Variants in ICA1 observed in about 807,000 individuals in gnomAD.
The protein encoded by ICA1 is 69 kDa islet cell autoantigen.
In ICA1, 40 loss-of-function variants were observed where a neutral mutation model predicts 71.0. That is an observed-to-expected ratio of 0.56 (90% confidence interval 0.44 to 0.73). The LOEUF (loss-of-function observed/expected upper bound fraction) is 0.73. ICA1 is among the 30% of genes least tolerant of loss of function. The pLI is 0.00. For synonymous variants in ICA1, 207 were observed against 209.5 expected, an observed-to-expected ratio of 0.99 and a Z score of 0.10; for missense variants, 578 against 576.5, an observed-to-expected ratio of 1.00 and a Z score of -0.03.
At chr7:8,227,296 A>G (rs145785928) in intron 4 of ICA1, among the ~76,000 whole-genome samples, 2 of 152,310 alleles carry the variant, frequency 1.3e-5, no homozygotes, top group African/African-American at 4.8e-5. Context: ...CAGTGAGGAA[A>G]ATGGTTAGTA....
At position 8,132,657 on chromosome 7, in the gene ICA1, C is replaced by T. The variant is rs867151963; in HGVS notation, c.1061-4515G>A. Among the ~76,000 whole-genome samples, 4 of 152,180 alleles carry T rather than the reference C, an allele frequency of 2.6e-5. No homozygotes were observed. The highest frequency in any genetic ancestry group is 4.4e-5 in the Non-Finnish European group (3 of 68,012). On this transcript the variant is annotated intron_variant, in intron 12 of 13. Transcript: ENST00000402384. This position sits in a 1 kb window ranked among gnomAD's most constrained non-coding sequence, Gnocchi z 4.5. ...TGAGGCGGCTCTCTCGGATGACCTCCCATCTCCCTGACAGTACCTTCTCCA... is the reference window on the plus strand; with the variant it reads ...TGAGGCGGCTCTCTCGGATGACCTCTCATCTCCCTGACAGTACCTTCTCCA...
chr7:8,171,416 T>A (rs1448071759), intron 6 of ICA1, among the ~76,000 whole-genome samples: 2 of 151,946 alleles, frequency 1.3e-5, no homozygotes, highest in Non-Finnish European at 2.9e-5. Flanking sequence ...GTTATCAAAT[T>A]TGTTGGCTTA....
At chr7:8,195,751 G>A (rs865809227) in intron 6 of ICA1, among the ~76,000 whole-genome samples, 4 of 151,950 alleles carry the variant, frequency 2.6e-5, no homozygotes, top group East Asian at 1.9e-4. Flanking sequence ...AGGCCAAGGC[G>A]GGAGGATCAC....
chr7:8,241,438 A>G (rs920458075), intron 1 of ICA1, among the ~76,000 whole-genome samples: 1 of 152,250 alleles, frequency 6.6e-6, no homozygotes, highest in African/African-American at 2.4e-5. Context: ...GAAAGGAATG[A>G]CTGGTACCAG....
At chr7:8,180,546 C>T (rs555007052) in intron 6 of ICA1, among the ~76,000 whole-genome samples, 6 of 152,156 alleles carry the variant, frequency 3.9e-5, no homozygotes, top group South Asian at 2.1e-4. Flanking sequence ...TTAAAGTATA[C>T]GAGTTTTAGT....
At chr7:8,241,483 C>A (rs770970679) in intron 1 of ICA1, among the ~76,000 whole-genome samples, 4 of 152,174 alleles carry the variant, frequency 2.6e-5, no homozygotes, top group Non-Finnish European at 4.4e-5. Flanking sequence ...TAAAGACCAT[C>A]GATGCTAGGA....
chr7:8,152,670 A>ACTACCCCCACCACCACCACCATC (rs1328868677), intron 8 of ICA1, among the ~76,000 whole-genome samples: 1 of 32,134 alleles, frequency 3.1e-5, no homozygotes. Flanking sequence ...CACCACCACC[A>ACTACCCCCACCACCACCACCATC]TTATCTCCTT....
At chr7:8,239,653 G>A (rs112501132) in intron 1 of ICA1, among the ~76,000 whole-genome samples, 11,283 of 152,256 alleles carry the variant, frequency 0.074, 584 homozygotes, top group Non-Finnish European at 0.11. Flanking sequence ...CTGAGGGAAG[G>A]CATGACAGAC....
At chr7:8,256,533 A>G (rs987548325) in intron 1 of ICA1, among the ~76,000 whole-genome samples, 6 of 152,102 alleles carry the variant, frequency 3.9e-5, no homozygotes, top group Non-Finnish European at 5.9e-5. Flanking sequence ...TAGAATTTAC[A>G]TCAAGACTCT....
intron 3 of ICA1, among the ~76,000 whole-genome samples, chr7:8,229,329 G>A (rs1047483466): frequency 6.6e-6 from 1 of 152,202 alleles, no homozygotes; most frequent in Non-Finnish European, 1.5e-5. Flanking sequence ...CTGGGGGATA[G>A]GCAGATGGGG....
At chr7:8,244,332 T>C (rs898419452) in intron 1 of ICA1, among the ~76,000 whole-genome samples, 6 of 152,196 alleles carry the variant, frequency 3.9e-5, no homozygotes, top group African/African-American at 1.4e-4. Flanking sequence ...TAATAAATGG[T>C]GCTGGGAAAA....
intron 13 of ICA1, among the ~76,000 whole-genome samples, chr7:8,120,398 C>T (rs553320887): frequency 2.6e-4 from 39 of 152,240 alleles, no homozygotes; most frequent in African/African-American, 9.1e-4. Flanking sequence ...GGGAAGGGTG[C>T]AATGAGGGTA....
intron 13 of ICA1, among the ~76,000 whole-genome samples, chr7:8,120,596 G>A (rs1178985483): frequency 1.3e-5 from 2 of 152,204 alleles, no homozygotes; most frequent in African/African-American, 4.8e-5. Context: ...CCATCTCAGA[G>A]TAGTTCTGTC....
At chr7:8,239,347 C>T (rs1416605960) in intron 1 of ICA1, among the ~76,000 whole-genome samples, 3 of 152,206 alleles carry the variant, frequency 2.0e-5, no homozygotes, top group Admixed American at 2.0e-4. Flanking sequence ...ATAAACTGAG[C>T]ATCAAATGAG....
chr7:8,242,292 G>T (rs1364167364), intron 1 of ICA1, among the ~76,000 whole-genome samples: 1 of 152,152 alleles, frequency 6.6e-6, no homozygotes, highest in Non-Finnish European at 1.5e-5. Context: ...CATGCAAACT[G>T]AACTATCTGC....
intron 8 of ICA1, among the ~76,000 whole-genome samples, chr7:8,146,740 T>C: frequency 4.4e-5 from 1 of 22,868 alleles, no homozygotes; most frequent in African/African-American, 2.9e-4. Context: ...TGTGTGCGTG[T>C]GCGTGTGTGT....
chr7:8,119,358 C>T (rs1169443151), intron 13 of ICA1, among the ~76,000 whole-genome samples: 4 of 152,172 alleles, frequency 2.6e-5, no homozygotes, highest in Non-Finnish European at 5.9e-5. Flanking sequence ...GCACGACACT[C>T]AGCTGCAGAG....
intron 6 of ICA1, among the ~76,000 whole-genome samples, chr7:8,217,928 C>G (rs1019615621): frequency 6.6e-6 from 1 of 152,188 alleles, no homozygotes; most frequent in Non-Finnish European, 1.5e-5. Flanking sequence ...TTTTAATATG[C>G]ATTAGCGATT....
intron 6 of ICA1, among the ~76,000 whole-genome samples, chr7:8,161,580 T>C (rs1388083938): frequency 6.6e-6 from 1 of 152,198 alleles, no homozygotes; most frequent in Non-Finnish European, 1.5e-5. Flanking sequence ...TTCCACTTTC[T>C]CTCTTGCTTC....
Sources: allele counts gnomAD v4.1 joint callset (sites outside exome capture counted in the v4.1 genomes callset), GRCh38; gene constraint gnomAD v4.1.1; non-coding constraint Gnocchi (gnomAD v3.1); transcripts MANE v1.5; gene names NCBI Gene and HGNC (gene_info 2026-07-23, HGNC 2026-07-21).